ATG5: variants seen among roughly 807,000 people sequenced by gnomAD.
The protein encoded by ATG5 is autophagy related 5, also known as autophagy protein 5.
A neutral mutation model predicts 36.5 loss-of-function variants in ATG5; 14 were observed. That is an observed-to-expected ratio of 0.38 (90% confidence interval 0.25 to 0.60). The LOEUF (loss-of-function observed/expected upper bound fraction) is 0.60. Among genes scored for constraint, ATG5 ranks in the 20% least tolerant of loss-of-function variants. ATG5 has a pLI of 0.60. For missense variants in ATG5, 195 were observed against 326.7 expected (o/e 0.60, Z 3.11); for synonymous variants, 95 against 101.5 (o/e 0.94, Z 0.38).
intron 7 of ATG5, among the ~76,000 whole-genome samples, 154 bp from the exon 8 acceptor site, chr6:106,186,830 T>C (rs1775791098): frequency 6.6e-6 from 1 of 152,222 alleles, no homozygotes; most frequent in African/African-American, 2.4e-5. Flanking sequence ...AGTTCAAATG[T>C]TGCAGTATGT....
intron 3 of ATG5, among the ~76,000 whole-genome samples, chr6:106,298,643 T>G (rs1770078394): frequency 6.6e-6 from 1 of 152,180 alleles, no homozygotes; most frequent in African/African-American, 2.4e-5. Context: ...AAAATAAAAA[T>G]GAACCAGAAA....
chr6:106,277,253 T>C (rs898630155), intron 5 of ATG5, among the ~76,000 whole-genome samples: 12 of 152,210 alleles, frequency 7.9e-5, no homozygotes, highest in African/African-American at 2.7e-4. Flanking sequence ...TTAAAAATTA[T>C]GGCAGGTGAA....
chr6:106,211,890 T>A (rs1280614368), intron 6 of ATG5, among the ~76,000 whole-genome samples: 1 of 152,238 alleles, frequency 6.6e-6, no homozygotes, highest in Non-Finnish European at 1.5e-5. Flanking sequence ...CTACTTTGTG[T>A]GTGTGCTTTG....
At position 106,272,448 on chromosome 6, in the gene ATG5, C is replaced by G. The variant is rs533543524; in HGVS notation, c.478+7213G>C. On this transcript the variant is annotated intron_variant, in intron 5 of 7. Coordinates refer to ENST00000369076, the MANE Select transcript of ATG5 (RefSeq NM_004849.4). ...CCTTACCACTCTCGATCTTGATCAC[C>G]ACATTCTAGTCAGTTCTCAGAACTT... Among the ~76,000 whole-genome samples, 57 of 152,308 alleles carry G rather than the reference C, an allele frequency of 3.7e-4. 1 individual carries two copies. The highest frequency in any genetic ancestry group is 1.6e-3 in the Admixed American group (24 of 15,306).
intron 5 of ATG5, among the ~76,000 whole-genome samples, chr6:106,266,842 G>T (rs1395521446): frequency 1.3e-5 from 2 of 152,092 alleles, no homozygotes; most frequent in African/African-American, 4.8e-5. Flanking sequence ...GGTATTGATG[G>T]AACATATCTC....
chr6:106,197,713 C>T (rs1213874383), intron 7 of ATG5, among the ~76,000 whole-genome samples: 1 of 152,150 alleles, frequency 6.6e-6, no homozygotes, highest in Non-Finnish European at 1.5e-5. Context: ...CTTCAGCTTC[C>T]ACCATGAGCA....
intron 3 of ATG5, among the ~76,000 whole-genome samples, chr6:106,305,102 A>AG (rs1026561315): frequency 1.3e-5 from 2 of 152,160 alleles, no homozygotes; most frequent in African/African-American, 4.8e-5. Flanking sequence ...AAAAAAAAAA[A>AG]AAAAAGATGA....
chr6:106,214,222 T>TATAC (rs1416736875), intron 6 of ATG5, among the ~76,000 whole-genome samples: 6 of 152,164 alleles, frequency 3.9e-5, no homozygotes, highest in African/African-American at 1.4e-4. Context: ...CAATATACAA[T>TATAC]ACCTCATTAA....
intron 4 of ATG5, among the ~76,000 whole-genome samples, chr6:106,290,598 T>G (rs1348983366): frequency 6.6e-6 from 1 of 152,178 alleles, no homozygotes; most frequent in African/African-American, 2.4e-5. Context: ...ACTGCAGGTG[T>G]GAGGTATCAT....
chr6:106,278,556 C>T (rs556338431), intron 5 of ATG5, among the ~76,000 whole-genome samples: 1 of 152,272 alleles, frequency 6.6e-6, no homozygotes, highest in East Asian at 1.9e-4. Context: ...GTAAGTTCCC[C>T]TGGCTGCATA....
intron 6 of ATG5, among the ~76,000 whole-genome samples, chr6:106,209,750 G>C (rs1222179799): frequency 6.6e-6 from 1 of 152,160 alleles, no homozygotes; most frequent in Non-Finnish European, 1.5e-5. Context: ...CTGTAATTAT[G>C]CAAGATGTTA....
At chr6:106,226,549 A>G (rs1019244518) in intron 6 of ATG5, among the ~76,000 whole-genome samples, 1 of 152,194 alleles carries the variant, frequency 6.6e-6, no homozygotes, top group Non-Finnish European at 1.5e-5. Context: ...AAAAAAGTTT[A>G]TCTAAAGAAC....
intron 6 of ATG5, among the ~76,000 whole-genome samples, chr6:106,239,292 G>C (rs1429570926): frequency 6.6e-6 from 1 of 151,772 alleles, no homozygotes; most frequent in Non-Finnish European, 1.5e-5. Flanking sequence ...AAAGAAAAAT[G>C]GTCTATTTGA....
At chr6:106,222,532 G>T (rs1159395276) in intron 6 of ATG5, among the ~76,000 whole-genome samples, 1 of 152,134 alleles carries the variant, frequency 6.6e-6, no homozygotes, top group East Asian at 1.9e-4. Flanking sequence ...GAAGAAAATG[G>T]ACTGAGGGCA....
intron 6 of ATG5, among the ~76,000 whole-genome samples, chr6:106,216,296 A>G (rs1777037269): frequency 6.6e-6 from 1 of 152,252 alleles, no homozygotes; most frequent in African/African-American, 2.4e-5. Context: ...ACATTTGTAC[A>G]TAAATATTAA....
intron 4 of ATG5, among the ~76,000 whole-genome samples, chr6:106,291,535 G>T (rs189183652): frequency 6.6e-6 from 1 of 152,184 alleles, no homozygotes; most frequent in African/African-American, 2.4e-5. Flanking sequence ...ACACACAGAA[G>T]GATCTCCATA....
chr6:106,321,650 G>T lies in ATG5; in HGVS notation c.-59+3876C>A, dbSNP rs539206574. 2.6e-4 allele frequency among the ~76,000 whole-genome samples: 39 copies of T among 152,214 alleles called. 1 individual carries two copies. The South Asian group carries it at 7.7e-3, about 30-fold the overall frequency. On this transcript the variant is annotated intron_variant, in intron 1 of 7. Transcript: ENST00000369076. ...TGGGATTACAGGCGTGAGCCACCGC[G>T]CCTGGCCAACTCTTAATCCTCTTAA...
At chr6:106,301,305 T>C (rs1471828850) in intron 3 of ATG5, among the ~76,000 whole-genome samples, 1 of 152,092 alleles carries the variant, frequency 6.6e-6, no homozygotes, top group Non-Finnish European at 1.5e-5. Context: ...AACAAATGTA[T>C]TGAGTATTCA....
intron 6 of ATG5, among the ~76,000 whole-genome samples, chr6:106,232,530 A>G (rs1777732326): frequency 6.6e-6 from 1 of 152,048 alleles, no homozygotes; most frequent in Non-Finnish European, 1.5e-5. Context: ...CGAGCAAAGA[A>G]TGCCCGTCCT....
Sources: gnomAD v4.1 joint callset for allele counts (sites outside exome capture counted in the v4.1 genomes callset) on GRCh38, gnomAD v4.1.1 for gene constraint, MANE v1.5 for transcripts, NCBI Gene and HGNC (gene_info 2026-07-23, HGNC 2026-07-21) for gene names.